ST7: variants seen among roughly 807,000 people sequenced by gnomAD.
ST7 encodes suppressor of tumorigenicity 7 protein.
A neutral mutation model predicts 78.7 loss-of-function variants in ST7; 28 were observed. The ratio of observed to expected loss-of-function variants is 0.36; its 90% CI spans 0.26 to 0.49. The LOEUF (loss-of-function observed/expected upper bound fraction) is 0.49, where lower values mean the gene tolerates loss of function less well. Ranked by LOEUF, ST7 falls within the 20% of genes least tolerant of loss-of-function variation. ST7 has a pLI of 0.99. For synonymous variants in ST7, 247 were observed against 249.6 expected (o/e 0.99, Z 0.10); for missense variants, 418 against 696.0 (o/e 0.60, Z 4.49).
chr7:117,175,023 T>G (rs1022214241), intron 10 of ST7, among the ~76,000 whole-genome samples: 2 of 152,228 alleles, frequency 1.3e-5, no homozygotes, highest in African/African-American at 4.8e-5. Flanking sequence ...TGACGCCTCA[T>G]TGTCTTGCAA....
chr7:117,196,547 T>C (rs1810322057), intron 12 of ST7, among the ~76,000 whole-genome samples: 1 of 151,896 alleles, frequency 6.6e-6, no homozygotes. Context: ...TACCAGTTGG[T>C]CATTCATATA....
rs114258036 is a variant in ST7 at position 117,002,404 on chromosome 7, C to T, written c.151+48713C>T. Among the ~76,000 whole-genome samples, 295 of 152,122 alleles carry T rather than the reference C, an allele frequency of 1.9e-3. 2 individuals are homozygous for T. The highest frequency in any genetic ancestry group is 0.014 in the Middle Eastern group (4 of 294). On this transcript the variant is annotated intron_variant, in intron 1 of 15. Coordinates refer to ENST00000323984, the MANE Select transcript of ST7 (RefSeq NM_001369598.1). ...CACCATGCCCAGCCTTATGAATATA[C>T]ACTCTTAAACACTAACGTTTGTCTA... is the stretch of plus-strand genomic sequence containing the variant.
chr7:117,103,901 G>T (rs576046971), intron 2 of ST7, among the ~76,000 whole-genome samples: 1 of 152,026 alleles, frequency 6.6e-6, no homozygotes, highest in South Asian at 2.1e-4. Context: ...TAGCAAAACC[G>T]CAAATAATCC....
At chr7:117,103,741 A>G (rs776542741) in intron 2 of ST7, among the ~76,000 whole-genome samples, 1 of 152,224 alleles carries the variant, frequency 6.6e-6, no homozygotes, top group Non-Finnish European at 1.5e-5. Context: ...GCAGAAATAG[A>G]CAAATGGGAT....
chr7:117,053,405 TG>T (rs1797894157), intron 1 of ST7, among the ~76,000 whole-genome samples: 1 of 152,254 alleles, frequency 6.6e-6, no homozygotes, highest in South Asian at 2.1e-4. Flanking sequence ...AAGTCAGCTC[TG>T]TTACTCACGG....
At chr7:117,048,600 C>A (rs920571143) in intron 1 of ST7, among the ~76,000 whole-genome samples, 1 of 152,180 alleles carries the variant, frequency 6.6e-6, no homozygotes, top group African/African-American at 2.4e-5. Flanking sequence ...ACCCACCCCA[C>A]CCCACCTGCT....
At chr7:116,954,324 T>G (rs907313872) in intron 1 of ST7, 3 of 152,092 alleles carry the variant, frequency 2.0e-5, no homozygotes, top group Non-Finnish European at 2.9e-5. Context: ...GAAGGCACTC[T>G]TGGGAGTGTA....
intron 10 of ST7, among the ~76,000 whole-genome samples, chr7:117,177,801 A>C (rs899040965): frequency 1.3e-5 from 2 of 152,180 alleles, no homozygotes; most frequent in African/African-American, 4.8e-5. Flanking sequence ...AAGGTGGGGC[A>C]AAAAGACCTC....
At chr7:116,978,513 A>T (rs1440892260) in intron 1 of ST7, among the ~76,000 whole-genome samples, 1 of 152,204 alleles carries the variant, frequency 6.6e-6, no homozygotes, top group African/African-American at 2.4e-5. Context: ...ATTATGACTG[A>T]CAAAGATAGG....
At chr7:117,229,232 T>C (rs1250415327) in intron 15 of ST7, among the ~76,000 whole-genome samples, 3 of 152,210 alleles carry the variant, frequency 2.0e-5, no homozygotes, top group African/African-American at 4.8e-5. Context: ...GTCCCAGGCA[T>C]GCTGCTAAAC....
chr7:116,958,580 T>A (rs779406528), intron 1 of ST7: 2 of 470,758 alleles, frequency 4.2e-6, no homozygotes, highest in Non-Finnish European at 8.8e-6. Flanking sequence ...ATCCCACCCA[T>A]CTATCAAGGA....
At chr7:117,161,002 A>T (rs2117211808) in intron 9 of ST7, among the ~76,000 whole-genome samples, 1 of 152,272 alleles carries the variant, frequency 6.6e-6, no homozygotes, top group East Asian at 1.9e-4. Context: ...TATTATCTTG[A>T]TATTATTATA....
rs754753980 is a variant in ST7, at chr7:116,953,597, T to C, written c.57T>C (p.Ser19=). The C allele has an allele frequency of 6.6e-7, 1 of 1,506,526 alleles. No individual in the cohort carries two copies. The highest frequency in any genetic ancestry group is 9.0e-7 in the Non-Finnish European group (1 of 1,115,378). The allele number at this position is 1,506,526 out of a possible 1,614,324, so 93.3% of individuals were successfully genotyped here. A position where few individuals can be genotyped will look rare whatever the true frequency, so the allele number is the denominator to read the frequency against. Residue 19 remains serine (S), a synonymous_variant, in exon 1 of 16, where the codon TCT becomes TCC. Coordinates refer to ENST00000323984, the MANE Select transcript of ST7 (RefSeq NM_001369598.1). The stretch of plus-strand genomic sequence containing the variant: ...AGCTCAAGTCCTGCATAGTTTGGTC[T>C]TGGACGTATCTGTGGACCGTGTGGT... The part of the protein sequence containing the change: ...LEQLKSCIVW[S]WTYLWTVWFF...
intron 2 of ST7, among the ~76,000 whole-genome samples, chr7:117,116,980 A>C (rs1032854652): frequency 1.3e-5 from 2 of 152,204 alleles, no homozygotes; most frequent in African/African-American, 4.8e-5. Flanking sequence ...CTTGGAAGTA[A>C]AGATTTGAAA....
At chr7:117,069,669 A>C (rs1190225207) in intron 1 of ST7, among the ~76,000 whole-genome samples, 2 of 152,204 alleles carry the variant, frequency 1.3e-5, no homozygotes, top group Non-Finnish European at 2.9e-5. Flanking sequence ...TCAAGAAACA[A>C]GTACTTAAGA....
chr7:117,227,169 C>T (rs879729606), intron 15 of ST7, among the ~76,000 whole-genome samples: 5 of 152,182 alleles, frequency 3.3e-5, no homozygotes, highest in Admixed American at 2.0e-4. Context: ...TGAGGCTCCC[C>T]GAGGACCCCA....
intron 1 of ST7, among the ~76,000 whole-genome samples, chr7:117,045,280 C>T (rs1252274985): frequency 2.6e-5 from 4 of 152,092 alleles, no homozygotes; most frequent in Non-Finnish European, 4.4e-5. Context: ...TTCCATCACC[C>T]TCAGAATTAG....
At chr7:117,185,089 T>C (rs1402445095) in intron 10 of ST7, among the ~76,000 whole-genome samples, 1 of 152,210 alleles carries the variant, frequency 6.6e-6, no homozygotes, top group Non-Finnish European at 1.5e-5. Context: ...ATGGTTCTTC[T>C]TAATGGTGAG....
At chr7:117,198,001 A>G (rs991713037) in intron 12 of ST7, among the ~76,000 whole-genome samples, 1 of 152,204 alleles carries the variant, frequency 6.6e-6, no homozygotes, top group Non-Finnish European at 1.5e-5. Context: ...GCAGTGAGCC[A>G]TGATTGTGCT....
Sources: allele counts gnomAD v4.1 joint callset (sites outside exome capture counted in the v4.1 genomes callset), GRCh38; gene constraint gnomAD v4.1.1; transcripts MANE v1.5; gene names NCBI Gene and HGNC (gene_info 2026-07-23, HGNC 2026-07-21).